KIAA0825: variants seen among roughly 807,000 people sequenced by gnomAD.
The protein encoded by KIAA0825 is KIAA0825.
A neutral mutation model predicts 147.6 loss-of-function variants in KIAA0825; 119 were observed. The ratio of observed to expected loss-of-function variants is 0.81; its 90% confidence interval spans 0.69 to 0.94. The LOEUF (loss-of-function observed/expected upper bound fraction) is 0.94, where lower values mean the gene tolerates loss of function less well. Among genes scored for constraint, KIAA0825 ranks in the 40% least tolerant of loss-of-function variants. KIAA0825 has a pLI of 0.00. For missense variants in KIAA0825, 1,381 were observed against 1,472.7 expected (o/e 0.94, Z 1.02); for synonymous variants, 470 against 518.1 (o/e 0.91, Z 1.26).
intron 5 of KIAA0825, among the ~76,000 whole-genome samples, chr5:94,490,672 A>G (rs1763629578): frequency 6.6e-6 from 1 of 152,028 alleles, no homozygotes; most frequent in African/African-American, 2.4e-5. Context: ...TTCTCTGTCT[A>G]TATATATTTG....
At chr5:94,193,024 A>G (rs547500836) in intron 20 of KIAA0825, among the ~76,000 whole-genome samples, 3 of 152,178 alleles carry the variant, frequency 2.0e-5, no homozygotes, top group African/African-American at 2.4e-5. Flanking sequence ...TTACATTAAA[A>G]TGGTTTCTAT....
intron 12 of KIAA0825, among the ~76,000 whole-genome samples, chr5:94,457,950 A>T (rs1314433224): frequency 6.6e-6 from 1 of 152,142 alleles, no homozygotes; most frequent in Non-Finnish European, 1.5e-5. Context: ...TGCCTGGGCC[A>T]TTGGAGGTGT....
chr5:94,305,918 C>T (rs909850555), intron 20 of KIAA0825, among the ~76,000 whole-genome samples: 21 of 151,754 alleles, frequency 1.4e-4, no homozygotes, highest in Non-Finnish European at 2.4e-4. Flanking sequence ...TAAGTGATAG[C>T]GAACTTGTCA....
Position 94,524,018 on chromosome 5 carries a change from C to G in KIAA0825, c.212G>C (p.Cys71Ser). The G allele has an allele frequency of 6.2e-7, 1 of 1,609,736 alleles. No homozygotes were observed. The highest frequency in any genetic ancestry group is 8.5e-7 in the Non-Finnish European group (1 of 1,177,002). ...PGVQLQTTTD[C>S]FEWLTNYNYS... is the part of the protein sequence containing the mutation. ...ATTATAGTTAGTTAGCCATTCAAAG[C>G]AGTCAGTTGTTGTTTGCAGCTGCAC... The change falls in exon 4 of 21, where the codon TGC (cysteine) becomes TCC (serine). Residue 71 changes from cysteine to serine, a missense_variant. By Grantham distance (112) the Cys-to-Ser change is moderately radical. Transcript: ENST00000682413.
intron 3 of KIAA0825, among the ~76,000 whole-genome samples, chr5:94,536,006 A>C (rs1282361687): frequency 6.6e-6 from 1 of 152,232 alleles, no homozygotes. Flanking sequence ...GCTCTTAGTG[A>C]ACTGCCTGAA....
At chr5:94,294,595 G>T (rs551675196) in intron 20 of KIAA0825, among the ~76,000 whole-genome samples, 1 of 152,088 alleles carries the variant, frequency 6.6e-6, no homozygotes, top group Non-Finnish European at 1.5e-5. Flanking sequence ...GTGTGGTGGC[G>T]CACACCTGTA....
At chr5:94,570,313 G>A (rs1436633357) in intron 2 of KIAA0825, 2 of 153,448 alleles carry the variant, frequency 1.3e-5, no homozygotes, top group Admixed American at 6.5e-5. Flanking sequence ...ACTACACCCT[G>A]ACTAACCCCC....
chr5:94,605,926 GAGAA>G (rs1278565209), intron 1 of KIAA0825, among the ~76,000 whole-genome samples: 1 of 152,170 alleles, frequency 6.6e-6, no homozygotes, highest in African/African-American at 2.4e-5. Context: ...AATCAGAGAA[GAGAA>G]AGAAATAAAG....
intron 20 of KIAA0825, among the ~76,000 whole-genome samples, chr5:94,176,715 G>A (rs199607673): frequency 2.0e-5 from 3 of 152,050 alleles, no homozygotes; most frequent in African/African-American, 7.2e-5. Context: ...AGAGTACTTT[G>A]GGAATATAAC....
intron 5 of KIAA0825, among the ~76,000 whole-genome samples, chr5:94,503,590 G>C (rs557285411): frequency 6.6e-6 from 1 of 152,108 alleles, no homozygotes; most frequent in Non-Finnish European, 1.5e-5. Context: ...ATAGAATGTT[G>C]CTGACAGGAA....
chr5:94,467,554 G>C (rs1760705750), intron 10 of KIAA0825, among the ~76,000 whole-genome samples: 2 of 152,122 alleles, frequency 1.3e-5, no homozygotes. Context: ...AACACCCACT[G>C]TGCCATCGTG....
chr5:94,326,803 C>T (rs1780738350), intron 20 of KIAA0825, among the ~76,000 whole-genome samples: 1 of 152,132 alleles, frequency 6.6e-6, no homozygotes, highest in African/African-American at 2.4e-5. Context: ...CTTGAAATTC[C>T]AGTCCAAAAG....
chr5:94,471,972 T>C (rs189259755), intron 8 of KIAA0825, among the ~76,000 whole-genome samples: 1 of 152,234 alleles, frequency 6.6e-6, no homozygotes, highest in Admixed American at 6.5e-5. Flanking sequence ...CAGACAGACA[T>C]TAGGAAAAAC....
At chr5:94,332,727 T>A (rs908405032) in intron 20 of KIAA0825, among the ~76,000 whole-genome samples, 4 of 152,190 alleles carry the variant, frequency 2.6e-5, no homozygotes, top group Non-Finnish European at 4.4e-5. Context: ...TGATTTATAA[T>A]CCTTTGGGTA....
rs138039252 is a variant in KIAA0825, at chr5:94,394,702, C to T, written c.3296+1399G>A. Among the ~76,000 whole-genome samples the T allele has an allele frequency of 2.6e-5, 4 of 152,078 alleles. No homozygotes were observed. The East Asian group carries it at 5.8e-4, about 22-fold the overall frequency. ...TATACTATTTTTACTCTTGTTTTTC[C>T]GCTCCCCTTTATAACCACTGCCATG... On this transcript the variant is annotated intron_variant, in intron 17 of 20. Coordinates refer to ENST00000682413, the MANE Select transcript of KIAA0825 (RefSeq NM_001145678.3).
intron 8 of KIAA0825, 49 bp from the exon 9 acceptor site, chr5:94,471,780 C>T: frequency 6.6e-7 from 1 of 1,526,606 alleles, no homozygotes; most frequent in Non-Finnish European, 8.8e-7. Flanking sequence ...CTGACAGCAC[C>T]AAGTAATTTA....
At chr5:94,447,877 T>C (rs1757929258) in intron 13 of KIAA0825, among the ~76,000 whole-genome samples, 1 of 152,090 alleles carries the variant, frequency 6.6e-6, no homozygotes, top group Non-Finnish European at 1.5e-5. Flanking sequence ...CATCATGTTG[T>C]CACCATAAAA....
intron 20 of KIAA0825, among the ~76,000 whole-genome samples, chr5:94,205,722 T>C (rs1170331062): frequency 6.6e-6 from 1 of 152,182 alleles, no homozygotes; most frequent in African/African-American, 2.4e-5. Context: ...TCATATTTTC[T>C]TGCCCTGGAA....
At chr5:94,529,241 T>C (rs1364733931) in intron 3 of KIAA0825, among the ~76,000 whole-genome samples, 1 of 129,446 alleles carries the variant, frequency 7.7e-6, no homozygotes, top group African/African-American at 3.3e-5. Flanking sequence ...TATATGTATA[T>C]ATACATATAT....
Sources: allele counts gnomAD v4.1 joint callset (sites outside exome capture counted in the v4.1 genomes callset), GRCh38; gene constraint gnomAD v4.1.1; transcripts MANE v1.5; gene names NCBI Gene and HGNC (gene_info 2026-07-23, HGNC 2026-07-21).